The following MYO6 variants were observed in gnomAD, a reference collection of about 807,000 sequenced individuals.
MYO6 encodes unconventional myosin-VI.
A neutral mutation model predicts 178.7 loss-of-function variants in MYO6; 74 were observed. The ratio of observed to expected loss-of-function variants is 0.41; its 90% CI spans 0.34 to 0.50. MYO6 has a LOEUF of 0.50. Among genes scored for constraint, MYO6 ranks in the 20% least tolerant of loss-of-function variants. MYO6 has a pLI of 0.09. For missense variants in MYO6, 1,330 were observed against 1,547.4 expected, an observed-to-expected ratio of 0.86 and a Z score of 2.36; for synonymous variants, 477 against 504.6, an observed-to-expected ratio of 0.95 and a Z score of 0.73.
chr6:75,817,743 T>G, intron 2 of MYO6, 79 bp downstream of exon 2: 1 of 1,196,560 alleles, frequency 8.4e-7, no homozygotes, highest in Non-Finnish European at 1.2e-6. Flanking sequence ...AGGTCTGTCT[T>G]CTTAATGAGG....
intron 28 of MYO6, among the ~76,000 whole-genome samples, chr6:75,893,307 T>C (rs1376327734): frequency 6.6e-6 from 1 of 151,934 alleles, no homozygotes; most frequent in African/African-American, 2.4e-5. Flanking sequence ...TGCAGAAAGG[T>C]TTAATAGATT....
chr6:75,835,054 G>T (rs1350048981), intron 6 of MYO6, among the ~76,000 whole-genome samples: 1 of 152,126 alleles, frequency 6.6e-6, no homozygotes, highest in African/African-American at 2.4e-5. Flanking sequence ...TTATTTCTCT[G>T]TGTTTCATAT....
chr6:75,906,907 TAGTTTTCTTATTACTTATG>T (rs1780372919), intron 30 of MYO6, among the ~76,000 whole-genome samples: 1 of 152,206 alleles, frequency 6.6e-6, no homozygotes, highest in African/African-American at 2.4e-5. Flanking sequence ...TTGAATTTAC[TAGTTTTCTTATTACTTATG>T]AGGGTGTGTT....
In MYO6 at chr6:75,848,348, T is replaced by C. The variant is rs1774928046; in HGVS notation, c.898-3T>C. 1 of 1,613,148 alleles carries C rather than the reference T, an allele frequency of 6.2e-7. No homozygotes were observed. Among genetic ancestry groups the C allele is most frequent in the Non-Finnish European group, 8.5e-7 (1 of 1,179,260 alleles). ...AGTTAATTGGTGTCTTCTTGTTTTGTAGTACCTTAAGGCAGGTTCTATGAA... is the reference window on the plus strand; with the variant it reads ...AGTTAATTGGTGTCTTCTTGTTTTGCAGTACCTTAAGGCAGGTTCTATGAA... On this transcript the variant is annotated splice_region_variant and splice_polypyrimidine_tract_variant and intron_variant, in intron 10 of 34. Transcript: ENST00000369977.
intron 11 of MYO6, among the ~76,000 whole-genome samples, chr6:75,854,507 G>A (rs751257651): frequency 5.9e-5 from 9 of 151,616 alleles, no homozygotes; most frequent in East Asian, 1.9e-4. Flanking sequence ...TTTGTGTTTC[G>A]AATTCAGCTC....
intron 23 of MYO6, among the ~76,000 whole-genome samples, chr6:75,883,011 A>T (rs758916838): frequency 6.6e-5 from 10 of 152,182 alleles, no homozygotes; most frequent in Non-Finnish European, 1.5e-4. Context: ...ATCTTGAGAA[A>T]TTTTATCTTT....
rs1778407893 is a variant in MYO6, at chr6:75,886,005, G to T, written c.2418G>T (p.Leu806Phe). The change falls in exon 24 of 35, where the codon TTG becomes TTT. Residue 806 changes from leucine (L) to phenylalanine (F), a missense_variant and splice_region_variant. Around this residue, in one of 3 missense-constraint regions of MYO6, gnomAD observed 601 missense variants for 626.1 expected, o/e 0.96. Transcript: ENST00000369977. ...ATTTTATTTTACTCTTACACATAGT[G>T]AAAAACAAAATAAAATATCGAGCTG... ...VQWCSLSVIK[L>F]KNKIKYRAEA... The T allele has an allele frequency of 6.3e-7, 1 of 1,587,446 alleles. No homozygotes were observed. Among genetic ancestry groups the T allele is most frequent in the East Asian group, 2.2e-5 (1 of 44,642 alleles).
At chr6:75,753,441 A>ATGTG (rs763065617) in intron 1 of MYO6, among the ~76,000 whole-genome samples, 3 of 140,476 alleles carry the variant, frequency 2.1e-5, no homozygotes, top group African/African-American at 8.0e-5. Flanking sequence ...TGATCTATAT[A>ATGTG]TGTGTGTGTG....
intron 23 of MYO6, among the ~76,000 whole-genome samples, chr6:75,885,601 C>T (rs1024460500): frequency 6.6e-6 from 1 of 152,210 alleles, no homozygotes; most frequent in Non-Finnish European, 1.5e-5. Context: ...CGCCCGCCAC[C>T]ATGCCTGGCT....
chr6:75,804,940 T>C (rs2150128057), intron 1 of MYO6, among the ~76,000 whole-genome samples: 1 of 146,180 alleles, frequency 6.8e-6, no homozygotes, highest in East Asian at 2.0e-4. Flanking sequence ...CATATATACA[T>C]ATATACACAT....
intron 27 of MYO6, among the ~76,000 whole-genome samples, chr6:75,892,109 C>T (rs989546934): frequency 1.3e-5 from 2 of 151,966 alleles, no homozygotes; most frequent in Non-Finnish European, 2.9e-5. Context: ...TTAAAAAGTC[C>T]CATGTTGAGA....
chr6:75,779,920 C>T (rs1766786700), intron 1 of MYO6, among the ~76,000 whole-genome samples: 1 of 152,098 alleles, frequency 6.6e-6, no homozygotes, highest in Admixed American at 6.6e-5. Flanking sequence ...CCTTTTAAGC[C>T]TGTTTTTATG....
intron 1 of MYO6, among the ~76,000 whole-genome samples, chr6:75,785,366 A>G (rs1237934768): frequency 6.6e-6 from 1 of 152,192 alleles, no homozygotes; most frequent in Non-Finnish European, 1.5e-5. Context: ...GTAGTAATTA[A>G]GAACACAAGT....
chr6:75,829,658 T>G (rs1772866800), intron 4 of MYO6, among the ~76,000 whole-genome samples: 1 of 152,054 alleles, frequency 6.6e-6, no homozygotes, highest in Admixed American at 6.6e-5. Context: ...ATCAACTAAA[T>G]AAAGAACATA....
chr6:75,914,975 C>T lies in MYO6; in HGVS notation c.3821C>T (p.Thr1274Ile), dbSNP rs1330608493. ...ATTGAGAGCAGACAGGCTCGGCCCA[C>T]CTATGCAACAGCCATGCTGCAGAGT... ...NAIESRQARP[T>I]YATAMLQSLL... Residue 1274 changes from threonine (T) to isoleucine (I), a missense_variant, in exon 35 of 35, where the codon ACC becomes ATC. Physicochemically the swap from Thr to Ile is moderately conservative, Grantham distance 89. Around this residue, in one of 3 missense-constraint regions of MYO6, gnomAD observed 601 missense variants for 626.1 expected, o/e 0.96. Coordinates refer to ENST00000369977, the MANE Select transcript of MYO6 (RefSeq NM_004999.4). 1 of 1,613,720 alleles carries T rather than the reference C, an allele frequency of 6.2e-7. No individual in the cohort carries two copies. The highest frequency in any genetic ancestry group is 1.7e-5 in the Admixed American group (1 of 60,000).
At chr6:75,820,780 C>G (rs953740076) in intron 2 of MYO6, among the ~76,000 whole-genome samples, 5 of 152,164 alleles carry the variant, frequency 3.3e-5, no homozygotes, top group African/African-American at 4.8e-5. Context: ...TCCCTCCCCC[C>G]CATTCAGTAG....
At chr6:75,901,261 T>A (rs1169363542) in intron 30 of MYO6, among the ~76,000 whole-genome samples, 1 of 152,126 alleles carries the variant, frequency 6.6e-6, no homozygotes, top group African/African-American at 2.4e-5. Context: ...TTTTTTCCAA[T>A]TCTGTGAAGA....
rs1215824090 is a variant in MYO6 at position 75,859,113 on chromosome 6, C to T, written c.1473+120C>T. ...GGATGGTGTATAACGGAAGGTGGCT[C>T]AGGGAATCTGGGAAGCCCAGCAGAG... On this transcript the variant is annotated intron_variant, in intron 14 of 34. Transcript: ENST00000369977. The T allele has an allele frequency of 8.3e-6, 6 of 723,042 alleles. No homozygotes were observed. In the East Asian group the frequency reaches 1.7e-4, roughly 20 times the overall value. The allele number at this position is 723,042 out of a possible 1,614,324, so 44.8% of individuals were successfully genotyped here. A position where few individuals can be genotyped will look rare whatever the true frequency, so the allele number is the denominator to read the frequency against.
chr6:75,910,085 C>T (rs1403837193), intron 32 of MYO6, among the ~76,000 whole-genome samples: 2 of 152,120 alleles, frequency 1.3e-5, no homozygotes, highest in Non-Finnish European at 2.9e-5. Flanking sequence ...GGAAGCCCCA[C>T]TAAATATTGT....
Sources: allele counts gnomAD v4.1 joint callset (sites outside exome capture counted in the v4.1 genomes callset), GRCh38; gene constraint gnomAD v4.1.1; regional missense constraint gnomAD v4.1.1; transcripts MANE v1.5; gene names NCBI Gene and HGNC (gene_info 2026-07-23, HGNC 2026-07-21).